RBFOX1: variants seen among roughly 807,000 people sequenced by gnomAD.
RBFOX1 encodes the protein RNA binding protein fox-1 homolog 1.
In RBFOX1, 8 loss-of-function variants were observed where a neutral mutation model predicts 57.7. The observed-to-expected ratio is 0.14, with a 90% confidence interval of 0.08 to 0.25. The LOEUF (loss-of-function observed/expected upper bound fraction) is 0.25. Among genes scored for constraint, RBFOX1 ranks in the 10% least tolerant of loss-of-function variants. The pLI is 1.00. For synonymous variants in RBFOX1, 326 were observed against 222.4 expected (o/e 1.47, Z -4.15); for missense variants, 611 against 548.5 (o/e 1.11, Z -1.14).
intron 4 of RBFOX1, among the ~76,000 whole-genome samples, chr16:7,380,672 G>C (rs1486178699): frequency 6.6e-6 from 1 of 152,230 alleles, no homozygotes; most frequent in African/African-American, 2.4e-5. Context: ...TTTTGTCTTT[G>C]CTAGGACGAT....
At chr16:5,467,148 T>A in intron 1 of RBFOX1, 1 of 1,382,644 alleles carries the variant, frequency 7.2e-7, no homozygotes, top group Middle Eastern at 1.9e-4. Flanking sequence ...GCCAAAGCAA[T>A]TGTTTCAATG....
At chr16:6,307,663 T>A (rs1446338624) in intron 1 of RBFOX1, among the ~76,000 whole-genome samples, 1 of 147,652 alleles carries the variant, frequency 6.8e-6, no homozygotes, top group Non-Finnish European at 1.5e-5. Context: ...TATCTTTAGA[T>A]TATTAATATT....
intron 14 of RBFOX1, among the ~76,000 whole-genome samples, chr16:7,708,771 A>G (rs1434266188): frequency 6.6e-6 from 1 of 152,204 alleles, no homozygotes; most frequent in Non-Finnish European, 1.5e-5. Context: ...CTACTTGAGC[A>G]GTGTAGAAAC....
At chr16:6,334,134 T>C (rs1463437172) in intron 2 of RBFOX1, among the ~76,000 whole-genome samples, 2 of 152,152 alleles carry the variant, frequency 1.3e-5, no homozygotes, top group Admixed American at 6.5e-5. Context: ...TTTAGGGTTA[T>C]TGAGAGATGC....
At chr16:6,512,220 G>A (rs747744136) in intron 2 of RBFOX1, among the ~76,000 whole-genome samples, 7 of 139,138 alleles carry the variant, frequency 5.0e-5, no homozygotes, top group Non-Finnish European at 1.1e-4. Flanking sequence ...GGAGGTTGAG[G>A]CTGCAGTGAA....
Position 6,019,495 on chromosome 16 carries a change from C to T in RBFOX1, c.-624C>T, listed in dbSNP as rs1445178543. ...AATCCCTCCCCCTCCGCCCCAGCCC[C>T]CCAGCAGCACCCGCGGTGGGGCGGG... is the stretch of plus-strand genomic sequence containing the variant. On this transcript the variant is annotated 5_prime_UTR_variant, in exon 1 of 16. Coordinates refer to ENST00000550418, the MANE Select transcript of RBFOX1 (RefSeq NM_018723.4). This position sits in a 1 kb window ranked among gnomAD's most constrained non-coding sequence, Gnocchi z 4.2. The T allele has an allele frequency of 8.8e-6, 9 of 1,020,070 alleles. No homozygotes were observed. The highest frequency in any genetic ancestry group is 1.1e-5 in the Non-Finnish European group (9 of 852,804). 63.2% of individuals were successfully genotyped at this position (1,020,070 alleles called of 1,614,324 possible).
Position 7,237,453 on chromosome 16 carries a change from A to G in RBFOX1, c.27+185355A>G, listed in dbSNP as rs1007571252. 3.9e-5 allele frequency among the ~76,000 whole-genome samples: 6 copies of G among 152,220 alleles called. No individual in the cohort carries two copies. The East Asian group carries it at 1.2e-3, about 29-fold the overall frequency. On this transcript the variant is annotated intron_variant, in intron 4 of 15. Coordinates refer to ENST00000550418, the MANE Select transcript of RBFOX1 (RefSeq NM_018723.4). The stretch of plus-strand genomic sequence containing the variant: ...GACCAGGCACTGCTCTAAAGGCTGC[A>G]CAGATTGTAACTCATTTACATATGT...
At chr16:6,986,460 A>C (rs2090310239) in intron 3 of RBFOX1, among the ~76,000 whole-genome samples, 1 of 151,968 alleles carries the variant, frequency 6.6e-6, no homozygotes, top group South Asian at 2.1e-4. Context: ...CAGCCTCCCA[A>C]AGTGCTGGTA....
chr16:6,885,186 A>G (rs138075707), intron 3 of RBFOX1, among the ~76,000 whole-genome samples: 18 of 152,124 alleles, frequency 1.2e-4, no homozygotes, highest in East Asian at 1.2e-3. Context: ...GTAATTCCCA[A>G]TGACTGAGCC....
intron 1 of RBFOX1, among the ~76,000 whole-genome samples, chr16:6,118,952 C>T (rs2096527923): frequency 1.3e-5 from 2 of 151,842 alleles, no homozygotes; most frequent in Non-Finnish European, 2.9e-5. Context: ...GGGGAGGGCA[C>T]TAACATTCAG....
At chr16:7,097,606 T>C (rs1250619096) in intron 4 of RBFOX1, among the ~76,000 whole-genome samples, 2 of 152,230 alleles carry the variant, frequency 1.3e-5, no homozygotes, top group Admixed American at 6.5e-5. Flanking sequence ...AATTAGATGC[T>C]GTTGCCACTC....
intron 3 of RBFOX1, among the ~76,000 whole-genome samples, chr16:5,718,326 G>T (rs2051795385): frequency 6.6e-6 from 1 of 152,210 alleles, no homozygotes; most frequent in Admixed American, 6.5e-5. Context: ...AAGCAGAGCT[G>T]CCCAGCTGAG....
intron 3 of RBFOX1, among the ~76,000 whole-genome samples, chr16:5,761,917 A>G (rs1294973549): frequency 2.0e-5 from 3 of 152,116 alleles, no homozygotes; most frequent in South Asian, 4.2e-4. Context: ...TATCAAAGGA[A>G]GTTTCAACCC....
chr16:7,630,829 T>A, intron 11 of RBFOX1, 146 bp downstream of exon 11: 1 of 1,443,258 alleles, frequency 6.9e-7, no homozygotes, highest in Non-Finnish European at 9.1e-7. Flanking sequence ...CATAAGCATG[T>A]CTGTCTCCCA....
At chr16:5,248,482 G>A (rs897918343) in intron 1 of RBFOX1, among the ~76,000 whole-genome samples, 2 of 152,284 alleles carry the variant, frequency 1.3e-5, no homozygotes, top group African/African-American at 2.4e-5. Context: ...CTGGAAGGGG[G>A]CAGGTCACCC....
intron 3 of RBFOX1, among the ~76,000 whole-genome samples, chr16:6,719,710 T>G (rs549500181): frequency 6.6e-6 from 1 of 152,076 alleles, no homozygotes; most frequent in African/African-American, 2.4e-5. Context: ...CCTCCCAAAG[T>G]GATGGGATTA....
At chr16:6,023,382 G>A (rs1205477945) in intron 1 of RBFOX1, among the ~76,000 whole-genome samples, 6 of 151,860 alleles carry the variant, frequency 4.0e-5, no homozygotes, top group Admixed American at 1.3e-4. Flanking sequence ...CTTTTAGCTC[G>A]AACCATCCCA....
In RBFOX1 at chr16:7,284,006, C is replaced by G. The variant is rs886778272; in HGVS notation, c.27+231908C>G. The stretch of plus-strand genomic sequence containing the variant: ...TTTTCTGTCTCTACAGTGTTGGTGT[C>G]TCCAGAATGTCCTACAAATGGAATC... On this transcript the variant is annotated intron_variant, in intron 4 of 15. Transcript: ENST00000550418. Among the ~76,000 whole-genome samples the G allele has an allele frequency of 2.6e-5, 4 of 152,322 alleles. No homozygotes were observed. The South Asian group carries it at 8.3e-4, about 32-fold the overall frequency.
At chr16:6,521,593 T>G (rs1424625828) in intron 2 of RBFOX1, among the ~76,000 whole-genome samples, 1 of 151,694 alleles carries the variant, frequency 6.6e-6, no homozygotes, top group African/African-American at 2.4e-5. Context: ...CTTTTTTCCT[T>G]AAAACACCAG....
Sources: gnomAD v4.1 joint callset for allele counts (sites outside exome capture counted in the v4.1 genomes callset) on GRCh38, gnomAD v4.1.1 for gene constraint, Gnocchi (gnomAD v3.1) non-coding constraint, MANE v1.5 for transcripts, NCBI Gene and HGNC (gene_info 2026-07-23, HGNC 2026-07-21) for gene names.